NXPE3: variants seen among roughly 807,000 people sequenced by gnomAD.
NXPE3 encodes the protein neurexophilin and PC-esterase domain family member 3.
Under a neutral mutation model 46.1 loss-of-function variants are expected in NXPE3, and 26 were observed. That is an observed-to-expected ratio of 0.56 (90% CI 0.41 to 0.78). NXPE3 has a LOEUF of 0.78. Ranked by LOEUF, NXPE3 falls within the 30% of genes least tolerant of loss-of-function variation. NXPE3 has a pLI of 0.00. For missense variants in NXPE3, 620 were observed against 686.0 expected (o/e 0.90, Z 1.07); for synonymous variants, 272 against 257.9 (o/e 1.05, Z -0.52).
At chr3:101,804,788 T>A (rs1941331672) in intron 5 of NXPE3, among the ~76,000 whole-genome samples, 1 of 152,190 alleles carries the variant, frequency 6.6e-6, no homozygotes, top group Non-Finnish European at 1.5e-5. Context: ...TTGTTCTTTA[T>A]CTATAAGGGA....
intron 4 of NXPE3, among the ~76,000 whole-genome samples, chr3:101,800,305 TATG>T (rs1218315071): frequency 6.6e-6 from 1 of 152,232 alleles, no homozygotes; most frequent in Non-Finnish European, 1.5e-5. Context: ...TGAGATTTTG[TATG>T]TTACCCATTT....
chr3:101,781,849 T>C (rs1053387498), intron 1 of NXPE3: 5 of 152,222 alleles, frequency 3.3e-5, no homozygotes, highest in South Asian at 2.1e-4. Context: ...ATTTTTTCAC[T>C]TATATCGCTG....
intron 4 of NXPE3, among the ~76,000 whole-genome samples, chr3:101,796,535 A>G (rs893525472): frequency 6.6e-6 from 1 of 152,346 alleles, no homozygotes; most frequent in South Asian, 2.1e-4. Flanking sequence ...CTGTAAGCAC[A>G]TGGTGCATGA....
chr3:101,780,433 A>G lies in NXPE3; in HGVS notation c.-498+1109A>G, dbSNP rs138306033. ...CTGGGAATTGGGTTGTCCTGACCTG[A>G]CAATTTAAGTTACAATTCAAACATC... is the stretch of plus-strand genomic sequence containing the variant. On this transcript the variant is annotated intron_variant, in intron 1 of 7. Coordinates refer to ENST00000273347, the MANE Select transcript of NXPE3 (RefSeq NM_145037.4). 4.5e-4 allele frequency among the ~76,000 whole-genome samples: 68 copies of G among 152,326 alleles called. 1 individual carries two copies. The highest frequency in any genetic ancestry group is 1.6e-3 in the African/African-American group (66 of 41,574).
chr3:101,822,182 T>C lies in NXPE3; in HGVS notation c.*228T>C. 2 of 470,018 alleles carry C rather than the reference T, an allele frequency of 4.3e-6. No homozygotes were observed. The highest frequency in any genetic ancestry group is 7.6e-6 in the Non-Finnish European group (2 of 263,350). 29.1% of individuals were successfully genotyped at this position (470,018 alleles called of 1,614,324 possible). The stretch of plus-strand genomic sequence containing the variant: ...ACTTAGCCATGGTAGAACTCTTAAC[T>C]GCATCTACACACTATATTGCTCTTG... On this transcript the variant is annotated 3_prime_UTR_variant, in exon 8 of 8. Transcript: ENST00000273347.
intron 4 of NXPE3, among the ~76,000 whole-genome samples, chr3:101,793,989 C>G (rs1191623820): frequency 6.6e-6 from 1 of 152,072 alleles, no homozygotes; most frequent in African/African-American, 2.4e-5. Flanking sequence ...GAAACTCTCT[C>G]AAGACACTAA....
At chr3:101,784,307 A>G (rs1002770171) in intron 3 of NXPE3, among the ~76,000 whole-genome samples, 1 of 152,194 alleles carries the variant, frequency 6.6e-6, no homozygotes, top group Non-Finnish European at 1.5e-5. Context: ...AAAAAATACA[A>G]ATAGAGATCA....
intron 4 of NXPE3, among the ~76,000 whole-genome samples, chr3:101,789,606 C>T (rs1241127976): frequency 2.0e-5 from 3 of 151,972 alleles, no homozygotes; most frequent in Non-Finnish European, 2.9e-5. Context: ...TAATGTATAC[C>T]ACACATTTAG....
In NXPE3 at chr3:101,782,108, A is replaced by G. The variant is rs1465192852; in HGVS notation, c.-497-2A>G. 1 of 152,084 alleles carries G rather than the reference A, an allele frequency of 6.6e-6. No homozygotes were observed. Among genetic ancestry groups the G allele is most frequent in the East Asian group, 1.9e-4 (1 of 5,202 alleles). 9.4% of individuals were successfully genotyped at this position (152,084 alleles called of 1,614,324 possible). A position where few individuals can be genotyped will look rare whatever the true frequency, so the allele number is the denominator to read the frequency against. Reference sequence around the variant, plus strand: ...TATATCATATGCATATTTTTGTTTCAGCAAGAAGAATTGTATAGAAATGTA... The same window carrying G: ...TATATCATATGCATATTTTTGTTTCGGCAAGAAGAATTGTATAGAAATGTA... On this transcript the variant is annotated splice_acceptor_variant, in intron 1 of 7. Transcript: ENST00000273347. LOFTEE classifies it low-confidence loss of function (5UTR_SPLICE).
At chr3:101,819,321 G>GT (rs1406670304) in intron 7 of NXPE3, among the ~76,000 whole-genome samples, 3 of 152,280 alleles carry the variant, frequency 2.0e-5, no homozygotes, top group East Asian at 1.9e-4. Flanking sequence ...ATTATACAGA[G>GT]TTTTTTAGGA....
At chr3:101,803,822 G>A (rs939774159) in intron 5 of NXPE3, among the ~76,000 whole-genome samples, 1 of 152,172 alleles carries the variant, frequency 6.6e-6, no homozygotes, top group Non-Finnish European at 1.5e-5. Context: ...GTTTCACTAT[G>A]TTGCCCAGGC....
chr3:101,790,414 G>A (rs981134975), intron 4 of NXPE3, among the ~76,000 whole-genome samples: 1 of 152,014 alleles, frequency 6.6e-6, no homozygotes, highest in Non-Finnish European at 1.5e-5. Context: ...CTGTTCTTAG[G>A]TACATAAATG....
intron 4 of NXPE3, among the ~76,000 whole-genome samples, chr3:101,797,387 C>CT (rs1352465138): frequency 1.3e-5 from 2 of 151,206 alleles, no homozygotes; most frequent in Non-Finnish European, 2.9e-5. Flanking sequence ...CCTACATGGC[C>CT]TTGAGCAAAT....
Position 101,816,953 on chromosome 3 carries a change from G to A in NXPE3, c.1081G>A (p.Asp361Asn). The A allele has an allele frequency of 6.2e-7, 1 of 1,614,130 alleles. No homozygotes were observed. The highest frequency in any genetic ancestry group is 8.5e-7 in the Non-Finnish European group (1 of 1,180,008). Residue 361 changes from aspartate to asparagine, a missense_variant, in exon 7 of 8, where the codon GAC becomes AAC. Asp to Asn is a conservative substitution (Grantham distance 23, BLOSUM62 1). Around this residue, in one of 3 missense-constraint regions of NXPE3, gnomAD observed 511 missense variants for 528.6 expected, o/e 0.97. Coordinates refer to ENST00000273347, the MANE Select transcript of NXPE3 (RefSeq NM_145037.4). The stretch of plus-strand genomic sequence containing the variant: ...AAGAAAAGTGGTGCATTTATTTGGT[G>A]ACTCAACAATCAGGCAATGGTTTGA... The part of the protein sequence containing the change: ...LQRKVVHLFG[D>N]STIRQWFEYL...
At chr3:101,811,850 C>T (rs1941723781) in intron 6 of NXPE3, among the ~76,000 whole-genome samples, 1 of 150,580 alleles carries the variant, frequency 6.6e-6, no homozygotes, top group Non-Finnish European at 1.5e-5. Context: ...TCTTCTGCCT[C>T]AGCTTCCCAA....
intron 6 of NXPE3, among the ~76,000 whole-genome samples, chr3:101,815,921 A>G (rs543364876): frequency 1.6e-3 from 248 of 152,158 alleles, no homozygotes; most frequent in Middle Eastern, 3.4e-3. Context: ...GCTTGAACCC[A>G]GGAGGCAGAG....
intron 5 of NXPE3, among the ~76,000 whole-genome samples, chr3:101,804,190 A>G (rs994375626): frequency 3.3e-5 from 5 of 152,226 alleles, no homozygotes; most frequent in African/African-American, 1.2e-4. Flanking sequence ...GGCCTAGCAA[A>G]GAGGAAGAAA....
intron 7 of NXPE3, among the ~76,000 whole-genome samples, chr3:101,818,794 C>T (rs1942115447): frequency 1.2e-5 from 1 of 82,130 alleles, no homozygotes; most frequent in Non-Finnish European, 2.2e-5. Context: ...GAGATGGTGT[C>T]TCACTCTGTC....
chr3:101,781,307 C>G (rs144806990), intron 1 of NXPE3, among the ~76,000 whole-genome samples: 1 of 152,252 alleles, frequency 6.6e-6, no homozygotes, highest in African/African-American at 2.4e-5. Context: ...GAATGGTTGC[C>G]TGAGAACATT....
Sources: allele counts gnomAD v4.1 joint callset (sites outside exome capture counted in the v4.1 genomes callset), GRCh38; gene constraint gnomAD v4.1.1; regional missense constraint gnomAD v4.1.1; transcripts MANE v1.5; gene names NCBI Gene and HGNC (gene_info 2026-07-23, HGNC 2026-07-21).